MSN: variants seen among roughly 807,000 people sequenced by gnomAD.
The protein encoded by MSN is epididymis luminal protein 70.
Under a neutral mutation model 48.0 loss-of-function variants are expected in MSN, and 2 were observed. The observed-to-expected ratio is 0.04, with a 90% CI of 0.02 to 0.13. The LOEUF (loss-of-function observed/expected upper bound fraction) is 0.13. Among genes scored for constraint, MSN ranks in the 10% least tolerant of loss-of-function variants. The pLI is 1.00. For missense variants in MSN, 267 were observed against 470.1 expected (o/e 0.57, Z 3.99); for synonymous variants, 146 against 166.9 (o/e 0.87, Z 0.97).
At chrX:65,677,772 A>T (rs1054235942) in intron 1 of MSN, among the ~76,000 whole-genome samples, 1 of 111,127 alleles carries the variant, frequency 9.0e-6, no homozygotes, top group Non-Finnish European at 1.9e-5. Flanking sequence ...AAAAGAAAAA[A>T]AAAAAGAAAT....
chrX:65,653,126 G>A (rs1047217990), intron 1 of MSN, among the ~76,000 whole-genome samples: 1 of 111,651 alleles, frequency 9.0e-6, no homozygotes, highest in Non-Finnish European at 1.9e-5. Flanking sequence ...GTGGAGGCTG[G>A]GGAGTTGGGA....
intron 1 of MSN, among the ~76,000 whole-genome samples, chrX:65,661,859 A>G (rs2070826581): frequency 8.9e-6 from 1 of 112,343 alleles, no homozygotes; most frequent in Admixed American, 9.5e-5. Context: ...TACTAAAAAT[A>G]CAAAAATTAG....
intron 1 of MSN, among the ~76,000 whole-genome samples, chrX:65,605,037 GC>G (rs1239827195): frequency 8.9e-6 from 1 of 112,503 alleles, no homozygotes; most frequent in African/African-American, 3.2e-5. Context: ...TATTAAAGAT[GC>G]CTCAGCCTCT....
chrX:65,723,825 A>G (rs2071539863), intron 2 of MSN, among the ~76,000 whole-genome samples: 1 of 111,077 alleles, frequency 9.0e-6, no homozygotes, highest in Admixed American at 9.6e-5. Flanking sequence ...TTCAGTTTCA[A>G]TTCTGATTTC....
chrX:65,636,282 T>G (rs1484770284), intron 1 of MSN, among the ~76,000 whole-genome samples: 1 of 111,803 alleles, frequency 8.9e-6, no homozygotes, highest in Admixed American at 9.5e-5. Flanking sequence ...TAAGCCTATT[T>G]GTGATTTAGC....
At chrX:65,610,056 A>G (rs1003060174) in intron 1 of MSN, among the ~76,000 whole-genome samples, 2 of 112,017 alleles carry the variant, frequency 1.8e-5, no homozygotes, top group Non-Finnish European at 3.8e-5. Flanking sequence ...TGTACCCGTT[A>G]TTACCATTTT....
At chrX:65,731,760 C>T (rs1205080830) in intron 5 of MSN, 78 bp from the exon 6 acceptor site, 5 of 1,078,696 alleles carry the variant, frequency 4.6e-6, no homozygotes, top group Middle Eastern at 3.7e-4. Flanking sequence ...GTCAGAAGTA[C>T]AGAGTAAGCA....
intron 8 of MSN, 122 bp downstream of exon 8, chrX:65,735,552 C>A: frequency 1.3e-6 from 1 of 784,190 alleles, no homozygotes. Context: ...AGGTTAGACA[C>A]CAATATTCAC....
intron 1 of MSN, among the ~76,000 whole-genome samples, chrX:65,605,785 A>C (rs1026730626): frequency 9.0e-6 from 1 of 110,656 alleles, no homozygotes; most frequent in African/African-American, 3.3e-5. Context: ...CACCTGATTC[A>C]CTCCTTCCTC....
At chrX:65,622,876 T>C (rs1236220911) in intron 1 of MSN, among the ~76,000 whole-genome samples, 1 of 111,815 alleles carries the variant, frequency 8.9e-6, no homozygotes, top group Non-Finnish European at 1.9e-5. Flanking sequence ...TTGAGTATGT[T>C]AGCTGTGAGT....
upstream of MSN, among the ~76,000 whole-genome samples, chrX:65,665,118 T>A (rs542480096): frequency 9.0e-6 from 1 of 111,046 alleles, no homozygotes; most frequent in East Asian, 2.8e-4. Context: ...TGTGTATGTG[T>A]GTTGTGGGGA....
Position 65,736,910 on chromosome X carries a change from A to C in MSN, c.1075A>C (p.Lys359Gln). ...GCTGAAGCAGATCGAGGAACAGACT[A>C]AGAAGGCTCAGCAAGGTGAGGCTTG... ...ERLKQIEEQT[K>Q]KAQQELEEQT... Residue 359 changes from lysine (K) to glutamine (Q), a missense_variant, in exon 9 of 13, where the codon AAG (lysine) becomes CAG (glutamine). Physicochemically the swap from Lys to Gln is moderately conservative, Grantham distance 53 (BLOSUM62 1). Transcript: ENST00000360270. 1 of 1,207,630 alleles carries C rather than the reference A, an allele frequency of 8.3e-7. No homozygotes were observed. Among genetic ancestry groups the C allele is most frequent in the Admixed American group, 2.2e-5 (1 of 45,733 alleles).
At chrX:65,597,705 A>G (rs2070198439) in intron 1 of MSN, among the ~76,000 whole-genome samples, 1 of 111,912 alleles carries the variant, frequency 8.9e-6, no homozygotes. Context: ...TCAGAGATTG[A>G]TTAGGAGTCA....
chrX:65,595,738 G>T (rs1022373068), intron 1 of MSN, among the ~76,000 whole-genome samples: 1 of 112,303 alleles, frequency 8.9e-6, no homozygotes, highest in Non-Finnish European at 1.9e-5. Context: ...CAGAATCAGA[G>T]GGTGTGTTTA....
At chrX:65,616,937 A>T (rs2148357688) in intron 1 of MSN, among the ~76,000 whole-genome samples, 1 of 110,867 alleles carries the variant, frequency 9.0e-6, no homozygotes, top group African/African-American at 3.3e-5. Flanking sequence ...ATTTTGTCAA[A>T]GGCCTTTTCC....
intron 2 of MSN, among the ~76,000 whole-genome samples, chrX:65,717,757 G>A (rs1489908096): frequency 2.7e-5 from 3 of 111,624 alleles, no homozygotes; most frequent in Admixed American, 9.5e-5. Flanking sequence ...ATGAAGTGGA[G>A]GTCTGAGTTA....
chrX:65,681,686 A>G (rs982153707), intron 1 of MSN, among the ~76,000 whole-genome samples: 1 of 111,850 alleles, frequency 8.9e-6, no homozygotes, highest in Non-Finnish European at 1.9e-5. Context: ...ATAGCAACCT[A>G]CTTTTTAGGG....
At chrX:65,594,986 C>A (rs1018024725) in intron 1 of MSN, among the ~76,000 whole-genome samples, 2 of 111,648 alleles carry the variant, frequency 1.8e-5, no homozygotes, top group African/African-American at 6.5e-5. Context: ...CCCTGCAATA[C>A]TGAGTCCAAG....
intron 1 of MSN, among the ~76,000 whole-genome samples, chrX:65,704,340 G>T (rs1451137789): frequency 8.9e-6 from 1 of 111,974 alleles, no homozygotes; most frequent in South Asian, 3.7e-4. Flanking sequence ...TTGGCTGCCT[G>T]GATATGAACC....
Sources: allele counts gnomAD v4.1 joint callset (sites outside exome capture counted in the v4.1 genomes callset), GRCh38; gene constraint gnomAD v4.1.1; transcripts MANE v1.5; gene names NCBI Gene and HGNC (gene_info 2026-07-23, HGNC 2026-07-21).